PTPRG: variants seen among roughly 807,000 people sequenced by gnomAD.
PTPRG encodes the protein receptor-type tyrosine-protein phosphatase gamma.
In PTPRG, 102 loss-of-function variants were observed where a neutral mutation model predicts 165.3. That is an observed-to-expected ratio of 0.62 (90% CI 0.53 to 0.73). The LOEUF is 0.73. Among genes scored for constraint, PTPRG ranks in the 30% least tolerant of loss-of-function variants. The probability of loss-of-function intolerance (pLI) is 0.00; values close to 1 mark genes in which losing one functional copy is unlikely to be tolerated. For synonymous variants in PTPRG, 675 were observed against 669.5 expected, an observed-to-expected ratio of 1.01 and a Z score of -0.13; for missense variants, 1,866 against 1,861.4, an observed-to-expected ratio of 1.00 and a Z score of -0.05.
rs973257088 is a variant in PTPRG at position 61,676,561 on chromosome 3, AACAC to A, written c.86-72309_86-72306del. On this transcript the variant is annotated intron_variant, in intron 1 of 29. Transcript: ENST00000474889. ...AATATTTTACTTTCACACACACACA[AACAC>A]ACACACAATTTAGTGTATCAAGTAA... Among the ~76,000 whole-genome samples, 7 of 150,536 alleles carry A rather than the reference AACAC, an allele frequency of 4.7e-5. No individual in the cohort carries two copies. The East Asian group carries it at 5.8e-4, about 12-fold the overall frequency.
chr3:61,685,988 G>T (rs1446838887), intron 1 of PTPRG, among the ~76,000 whole-genome samples: 1 of 152,162 alleles, frequency 6.6e-6, no homozygotes, highest in African/African-American at 2.4e-5. Flanking sequence ...TGGGGTATGA[G>T]TGGGAGCGCC....
At chr3:62,220,073 A>G (rs1042556010) in intron 13 of PTPRG, among the ~76,000 whole-genome samples, 5 of 152,222 alleles carry the variant, frequency 3.3e-5, no homozygotes, top group Admixed American at 2.0e-4. Flanking sequence ...TTCCAAGTAG[A>G]GGAAACAGCA....
At chr3:61,844,618 C>T (rs2036751730) in intron 2 of PTPRG, among the ~76,000 whole-genome samples, 1 of 151,374 alleles carries the variant, frequency 6.6e-6, no homozygotes, top group South Asian at 2.1e-4. Flanking sequence ...AGTAATCCTC[C>T]CAAGTTGATG....
chr3:61,912,976 G>C (rs1178686016), intron 2 of PTPRG, among the ~76,000 whole-genome samples: 2 of 152,184 alleles, frequency 1.3e-5, no homozygotes, highest in South Asian at 2.1e-4. Context: ...GACTGCAGTG[G>C]ACAGCTGGGC....
chr3:62,087,303 T>C (rs1003761992), intron 5 of PTPRG, among the ~76,000 whole-genome samples: 1 of 152,178 alleles, frequency 6.6e-6, no homozygotes, highest in African/African-American at 2.4e-5. Flanking sequence ...CTAGATTTGG[T>C]CTTCCTGGAA....
intron 2 of PTPRG, among the ~76,000 whole-genome samples, chr3:61,813,703 C>T (rs903752413): frequency 4.6e-5 from 7 of 151,746 alleles, no homozygotes; most frequent in African/African-American, 1.5e-4. Flanking sequence ...GTTCTTGGCT[C>T]TTCCATGGAA....
At chr3:62,041,756 G>A (rs1700138021) in intron 4 of PTPRG, among the ~76,000 whole-genome samples, 1 of 151,988 alleles carries the variant, frequency 6.6e-6, no homozygotes, top group African/African-American at 2.4e-5. Flanking sequence ...CATTGTGATG[G>A]TGGTGATGGA....
chr3:61,637,853 C>T (rs1280153701), intron 1 of PTPRG, among the ~76,000 whole-genome samples: 3 of 152,192 alleles, frequency 2.0e-5, no homozygotes, highest in East Asian at 3.9e-4. Flanking sequence ...ACCTCACCGA[C>T]CAAGTGAGTG....
At position 62,189,939 on chromosome 3, in the gene PTPRG, C is replaced by G. The variant is rs1456486600; in HGVS notation, c.1034-1530C>G. Among the ~76,000 whole-genome samples, 5 of 152,276 alleles carry G rather than the reference C, an allele frequency of 3.3e-5. No individual in the cohort carries two copies. The East Asian group carries it at 9.7e-4, about 29-fold the overall frequency. The stretch of plus-strand genomic sequence containing the variant: ...GCCCCTCAGACCTTCCCACCGGATC[C>G]CTTTACAGCTCCCACCCCCTTCATC... On this transcript the variant is annotated intron_variant, in intron 8 of 29. Coordinates refer to ENST00000474889, the MANE Select transcript of PTPRG (RefSeq NM_002841.4).
At chr3:61,885,734 A>C (rs2107483107) in intron 2 of PTPRG, among the ~76,000 whole-genome samples, 1 of 38,180 alleles carries the variant, frequency 2.6e-5, no homozygotes, top group South Asian at 1.1e-3. Flanking sequence ...CCCAGACTAC[A>C]GTGCAGTGGC....
intron 26 of PTPRG, 101 bp downstream of exon 26, chr3:62,277,780 G>A: frequency 6.9e-7 from 1 of 1,440,820 alleles, no homozygotes; most frequent in Non-Finnish European, 9.4e-7. Flanking sequence ...ATATATGCTA[G>A]GGAGGGAATT....
At chr3:62,024,880 A>G (rs899408494) in intron 4 of PTPRG, among the ~76,000 whole-genome samples, 4 of 152,204 alleles carry the variant, frequency 2.6e-5, no homozygotes, top group African/African-American at 7.2e-5. Context: ...CGATTTTCCA[A>G]TTCATCAGTA....
chr3:61,947,212 C>T (rs988598810), intron 2 of PTPRG, among the ~76,000 whole-genome samples: 1 of 152,098 alleles, frequency 6.6e-6, no homozygotes, highest in African/African-American at 2.4e-5. Context: ...ACTAAGTGGA[C>T]TAAAGGTCAG....
At position 62,282,862 on chromosome 3, in the gene PTPRG, C is replaced by A. The variant is rs1702505302; in HGVS notation, c.4048C>A (p.His1350Asn). The A allele has an allele frequency of 1.9e-6, 3 of 1,606,418 alleles. No individual in the cohort carries two copies. The highest frequency in any genetic ancestry group is 2.6e-6 in the Non-Finnish European group (3 of 1,175,710). The change falls in exon 28 of 30, where the codon CAT (histidine) becomes AAT (asparagine). Residue 1350 changes from histidine (H) to asparagine (N), a missense_variant. This residue lies in a region of PTPRG where 1,452 missense variants were observed against 1,463.0 expected (regional missense o/e 0.99). Transcript: ENST00000474889. ...AACAAGGGATGGTCCCACCATTGTT[C>A]ATGATGAGTATGTATCTGTTTCTTA... ...ALTRDGPTIV[H>N]DEYGAVSAGM...
At chr3:62,026,884 A>T (rs2041816557) in intron 4 of PTPRG, among the ~76,000 whole-genome samples, 1 of 144,706 alleles carries the variant, frequency 6.9e-6, no homozygotes, top group Non-Finnish European at 1.6e-5. Flanking sequence ...AGAATTAAAA[A>T]AAAAAAAAAA....
chr3:61,913,798 A>G (rs1256659058), intron 2 of PTPRG, among the ~76,000 whole-genome samples: 1 of 152,190 alleles, frequency 6.6e-6, no homozygotes, highest in Non-Finnish European at 1.5e-5. Context: ...TGAAGTGAAC[A>G]TACTTGGTTA....
chr3:61,720,375 C>T (rs761204722), intron 1 of PTPRG, among the ~76,000 whole-genome samples: 7 of 152,310 alleles, frequency 4.6e-5, no homozygotes, highest in Admixed American at 1.3e-4. Flanking sequence ...CCACCTGCCT[C>T]GGCCTCCCAA....
intron 2 of PTPRG, among the ~76,000 whole-genome samples, chr3:61,871,200 GTTATGTTATGTTATGTTA>G (rs1353749556): frequency 3.3e-4 from 49 of 149,972 alleles, no homozygotes; most frequent in Admixed American, 7.5e-4. Flanking sequence ...GTTATGTTAT[GTTATGTTATGTTATGTTA>G]TGTTATGTTA....
At chr3:62,124,064 C>T in intron 5 of PTPRG, 1 of 512,076 alleles carries the variant, frequency 2.0e-6, no homozygotes, top group Non-Finnish European at 3.5e-6. Flanking sequence ...GTTTTCCTTC[C>T]CTTTTTTTTT....
Sources: allele counts gnomAD v4.1 joint callset (sites outside exome capture counted in the v4.1 genomes callset), GRCh38; gene constraint gnomAD v4.1.1; regional missense constraint gnomAD v4.1.1; transcripts MANE v1.5; gene names NCBI Gene and HGNC (gene_info 2026-07-23, HGNC 2026-07-21).